The following PTPRC variants were observed in gnomAD, a reference collection of about 807,000 sequenced individuals.
The protein encoded by PTPRC is receptor-type tyrosine-protein phosphatase C.
PTPRC carries 44 observed loss-of-function variants against 155.9 expected under a neutral mutation model. The ratio of observed to expected loss-of-function variants is 0.28; its 90% CI spans 0.22 to 0.36. The LOEUF (loss-of-function observed/expected upper bound fraction) is 0.36, where lower values mean the gene tolerates loss of function less well. PTPRC is among the 10% of genes least tolerant of loss of function. PTPRC has a pLI of 1.00. For synonymous variants in PTPRC, 525 were observed against 533.1 expected, an observed-to-expected ratio of 0.98 and a Z score of 0.21; for missense variants, 1,401 against 1,564.6, an observed-to-expected ratio of 0.90 and a Z score of 1.76.
chr1:198,751,153 A>G (rs181774978), intron 29 of PTPRC, among the ~76,000 whole-genome samples: 2 of 152,084 alleles, frequency 1.3e-5, no homozygotes, highest in East Asian at 1.9e-4. Context: ...TTTTGACCCT[A>G]TTCTTTTAAC....
At chr1:198,665,775 C>T (rs1375120010) in intron 2 of PTPRC, among the ~76,000 whole-genome samples, 2 of 152,120 alleles carry the variant, frequency 1.3e-5, no homozygotes, top group East Asian at 3.8e-4. Flanking sequence ...TTAGCACAGA[C>T]TAGGGAGCAT....
chr1:198,752,276 G>A lies in PTPRC; in HGVS notation c.3235G>A (p.Gly1079Arg). Residue 1079 changes from glycine (G) to arginine (R), a missense_variant, in exon 30 of 33, where the codon GGA (glycine) becomes AGA (arginine). This residue lies in a region of PTPRC where 400 missense variants were observed against 389.5 expected (regional missense o/e 1.03). Transcript: ENST00000442510. ...QEICAQYWGEGKQTYGDIEVD... is the reference protein window; with the variant it reads ...QEICAQYWGERKQTYGDIEVD... The stretch of plus-strand genomic sequence containing the variant: ...AATCTGTGCTCAGTACTGGGGAGAA[G>A]GAAAGCAAACATATGGAGATATTGA... 4 of 1,611,840 alleles carry A rather than the reference G, an allele frequency of 2.5e-6. No individual in the cohort carries two copies. Among genetic ancestry groups the A allele is most frequent in the Non-Finnish European group, 3.4e-6 (4 of 1,178,446 alleles).
At chr1:198,751,919 T>G (rs78510951) in intron 29 of PTPRC, among the ~76,000 whole-genome samples, 1 of 151,956 alleles carries the variant, frequency 6.6e-6, no homozygotes, top group African/African-American at 2.4e-5. Flanking sequence ...GCCATAAATA[T>G]TGAAGAGGTC....
At chr1:198,712,597 G>T (rs1653368693) in intron 11 of PTPRC, among the ~76,000 whole-genome samples, 1 of 152,078 alleles carries the variant, frequency 6.6e-6, no homozygotes, top group Non-Finnish European at 1.5e-5. Flanking sequence ...TAAATTTATT[G>T]GTGCTATGAA....
intron 2 of PTPRC, among the ~76,000 whole-genome samples, chr1:198,665,079 C>CCTTTTTTTTTT (rs1557979011): frequency 2.0e-5 from 2 of 102,244 alleles, no homozygotes; most frequent in Non-Finnish European, 2.0e-5. Flanking sequence ...ATCCCGGCAG[C>CCTTTTTTTTTT]ATTTTTTTTT....
intron 23 of PTPRC, among the ~76,000 whole-genome samples, chr1:198,741,523 G>C (rs1394944375): frequency 6.6e-6 from 1 of 151,728 alleles, no homozygotes; most frequent in Non-Finnish European, 1.5e-5. Flanking sequence ...CACTTTTATG[G>C]TGTATGTTTA....
chr1:198,665,853 G>A (rs1468244325), intron 2 of PTPRC, among the ~76,000 whole-genome samples: 2 of 152,128 alleles, frequency 1.3e-5, no homozygotes, highest in Non-Finnish European at 2.9e-5. Flanking sequence ...TGGAAAAACA[G>A]AATATGATTC....
At chr1:198,651,141 A>G (rs897984737) in intron 2 of PTPRC, among the ~76,000 whole-genome samples, 2 of 151,860 alleles carry the variant, frequency 1.3e-5, no homozygotes, top group African/African-American at 2.4e-5. Context: ...TTTAATAAAA[A>G]CTACAGAATA....
In PTPRC at chr1:198,741,862, T is replaced by G; in HGVS notation, c.2404-7T>G. 1 of 1,610,704 alleles carries G rather than the reference T, an allele frequency of 6.2e-7. No individual in the cohort carries two copies. Among genetic ancestry groups the G allele is most frequent in the South Asian group, 1.1e-5 (1 of 90,970 alleles). Reference sequence around the variant, plus strand: ...TCATCTCAAAGAAAATATTATCTCTTGACTAGAAAAAAGAAAAAGCAACTG... The same window carrying G: ...TCATCTCAAAGAAAATATTATCTCTGGACTAGAAAAAAGAAAAAGCAACTG... On this transcript the variant is annotated splice_polypyrimidine_tract_variant and splice_region_variant and intron_variant, in intron 23 of 32. Coordinates refer to ENST00000442510, the MANE Select transcript of PTPRC (RefSeq NM_002838.5).
intron 3 of PTPRC, chr1:198,693,928 T>C (rs1025489226): frequency 9.1e-6 from 13 of 1,428,690 alleles, no homozygotes; most frequent in Non-Finnish European, 1.2e-5. Context: ...GTCTGGGTTC[T>C]CTAGAGGGAC....
At chr1:198,717,509 A>G (rs1210129990) in intron 13 of PTPRC, among the ~76,000 whole-genome samples, 1 of 152,228 alleles carries the variant, frequency 6.6e-6, no homozygotes, top group Non-Finnish European at 1.5e-5. Context: ...CGGGCACTAG[A>G]CTTGTGAAGA....
At chr1:198,707,757 A>T (rs1003549409) in intron 9 of PTPRC, among the ~76,000 whole-genome samples, 3 of 152,244 alleles carry the variant, frequency 2.0e-5, no homozygotes, top group Non-Finnish European at 4.4e-5. Context: ...TATAATAATC[A>T]TTCAATTAAA....
chr1:198,683,942 G>A (rs778160757), intron 2 of PTPRC, among the ~76,000 whole-genome samples: 3 of 134,106 alleles, frequency 2.2e-5, no homozygotes, highest in East Asian at 2.1e-4. Context: ...TGAGCTAAAC[G>A]AAGTGACATA....
In PTPRC at chr1:198,718,101, C is replaced by A; in HGVS notation, c.1458C>A (p.Ser486Arg). Residue 486 changes from serine (S) to arginine (R), a missense_variant, in exon 14 of 33, where the codon AGC (serine) becomes AGA (arginine). This residue lies in a region of PTPRC where 867 missense variants were observed against 970.4 expected (regional missense o/e 0.89). Coordinates refer to ENST00000442510, the MANE Select transcript of PTPRC (RefSeq NM_002838.5). ...CHFTTKSAPP[S>R]QVWNMTVSMT... ...CTTTCTTCATTTTGATAGCTCCAAG[C>A]CAGGTCTGGAACATGACTGTCTCCA... is the stretch of plus-strand genomic sequence containing the variant. 1 of 1,611,272 alleles carries A rather than the reference C, an allele frequency of 6.2e-7. No homozygotes were observed. The highest frequency in any genetic ancestry group is 8.5e-7 in the Non-Finnish European group (1 of 1,177,422).
chr1:198,741,792 T>C (rs1472825736), intron 23 of PTPRC, 77 bp from the exon 24 acceptor site: 1 of 1,405,834 alleles, frequency 7.1e-7, no homozygotes, highest in Admixed American at 1.9e-5. Flanking sequence ...TTTGTACTGG[T>C]ACTCCCTTCC....
chr1:198,752,504 TAGA>T (rs1418216713), intron 30 of PTPRC, 87 bp from the exon 31 acceptor site: 1 of 1,517,232 alleles, frequency 6.6e-7, no homozygotes, highest in East Asian at 2.4e-5. Context: ...ATTATTTAAA[TAGA>T]AGTAACTGTG....
rs1361647986 is a variant in PTPRC, at chr1:198,757,263, T to C, written c.*1082T>C. 6.6e-6 allele frequency: 1 copy of C among 151,876 alleles called. No individual in the cohort carries two copies. Among genetic ancestry groups the C allele is most frequent in the Non-Finnish European group, 1.5e-5 (1 of 67,818 alleles). The allele number at this position is 151,876 out of a possible 1,614,324, so 9.4% of individuals were successfully genotyped here. On this transcript the variant is annotated 3_prime_UTR_variant, in exon 33 of 33. Coordinates refer to ENST00000442510, the MANE Select transcript of PTPRC (RefSeq NM_002838.5). Reference sequence around the variant, plus strand: ...CGCTAATCATAATAAAATTCAACCATTATTTTTTTCTTGTTTATAATACAT... The same window carrying C: ...CGCTAATCATAATAAAATTCAACCACTATTTTTTTCTTGTTTATAATACAT...
intron 2 of PTPRC, among the ~76,000 whole-genome samples, chr1:198,689,363 C>T (rs1237083628): frequency 6.6e-6 from 1 of 152,128 alleles, no homozygotes; most frequent in Non-Finnish European, 1.5e-5. Context: ...CAGCATTTTT[C>T]TTCTCATTTC....
At chr1:198,693,893 C>T (rs1050557068) in intron 3 of PTPRC, 1 of 1,207,086 alleles carries the variant, frequency 8.3e-7, no homozygotes, top group Non-Finnish European at 1.1e-6. Context: ...TGCTACTCAT[C>T]AAAATAGCGT....
Sources: allele counts gnomAD v4.1 joint callset (sites outside exome capture counted in the v4.1 genomes callset), GRCh38; gene constraint gnomAD v4.1.1; regional missense constraint gnomAD v4.1.1; transcripts MANE v1.5; gene names NCBI Gene and HGNC (gene_info 2026-07-23, HGNC 2026-07-21).